The following OPA3 variants were observed in gnomAD, a reference collection of about 807,000 sequenced individuals.
OPA3 encodes the protein outer mitochondrial membrane lipid metabolism regulator OPA3.
OPA3 carries 6 observed loss-of-function variants against 4.0 expected under a neutral mutation model. The ratio of observed to expected loss-of-function variants is 1.51; its 90% confidence interval spans 0.83 to 2.99. OPA3 has a LOEUF of 2.99. Among genes scored for constraint, OPA3 ranks in the 30% most tolerant of loss-of-function variants. The pLI, the probability that OPA3 is intolerant of heterozygous loss-of-function variation, is 0.00. For synonymous variants in OPA3, 105 were observed against 117.1 expected (o/e 0.90, Z 0.67); for missense variants, 235 against 256.2 (o/e 0.92, Z 0.56).
chr19:45,573,693 A>G (rs2122498903), intron 1 of OPA3, among the ~76,000 whole-genome samples: 1 of 152,184 alleles, frequency 6.6e-6, no homozygotes, highest in East Asian at 1.9e-4. Context: ...AACAGTAAAC[A>G]CTGTTTACTG....
rs1046483724 is a variant in OPA3 at position 45,550,051 on chromosome 19, C to T, written c.*3463G>A. ...TGGGCACATGTAATCCCAGCTACTT[C>T]GGAAGCTGAGGCAGGATCATTGGTT... is the stretch of plus-strand genomic sequence containing the variant. On this transcript the variant is annotated 3_prime_UTR_variant, in exon 2 of 2. Transcript: ENST00000263275. 8 of 481,136 alleles carry T rather than the reference C, an allele frequency of 1.7e-5. No homozygotes were observed. The highest frequency in any genetic ancestry group is 1.9e-5 in the Non-Finnish European group (7 of 369,408). 29.8% of individuals were successfully genotyped at this position (481,136 alleles called of 1,614,324 possible).
At chr19:45,545,971 C>T (rs1274925795), downstream of OPA3, among the ~76,000 whole-genome samples, 1 of 151,958 alleles carries the variant, frequency 6.6e-6, no homozygotes, top group East Asian at 1.9e-4. Flanking sequence ...ACCTCGGCCT[C>T]CCTAAATGCT....
intron 1 of OPA3, among the ~76,000 whole-genome samples, chr19:45,561,123 C>T (rs894804077): frequency 2.6e-5 from 4 of 151,990 alleles, no homozygotes; most frequent in African/African-American, 9.7e-5. Context: ...CACCTGAGGT[C>T]GGGAGTTCAA....
At chr19:45,564,379 AT>A (rs1278043283) in intron 1 of OPA3, among the ~76,000 whole-genome samples, 1 of 152,156 alleles carries the variant, frequency 6.6e-6, no homozygotes, top group African/African-American at 2.4e-5. Flanking sequence ...AGGACCACAC[AT>A]GCAAAGTGAC....
chr19:45,543,582 A>G (rs1316902826), downstream of OPA3, among the ~76,000 whole-genome samples: 2 of 151,968 alleles, frequency 1.3e-5, no homozygotes, highest in Non-Finnish European at 2.9e-5. Context: ...CTCCCAAAGT[A>G]CTGGGATTAC....
chr19:45,550,065 G>T lies in OPA3; in HGVS notation c.*3449C>A. The T allele has an allele frequency of 2.0e-6, 1 of 502,852 alleles. No individual in the cohort carries two copies. Among genetic ancestry groups the T allele is most frequent in the Non-Finnish European group, 2.6e-6 (1 of 389,052 alleles). The allele number at this position is 502,852 out of a possible 1,614,324, so 31.1% of individuals were successfully genotyped here. On this transcript the variant is annotated 3_prime_UTR_variant, in exon 2 of 2. Coordinates refer to ENST00000263275, the MANE Select transcript of OPA3 (RefSeq NM_025136.4). ...CCCAGCTACTTCGGAAGCTGAGGCAGGATCATTGGTTGAGCCTGGGAGGTA... is the reference window on the plus strand; with the variant it reads ...CCCAGCTACTTCGGAAGCTGAGGCATGATCATTGGTTGAGCCTGGGAGGTA...
At chr19:45,576,287 T>C (rs1254407178) in intron 1 of OPA3, among the ~76,000 whole-genome samples, 46 of 145,622 alleles carry the variant, frequency 3.2e-4, no homozygotes, top group Middle Eastern at 3.9e-3. Context: ...TCCCAGCACT[T>C]TGGGAGGCCA....
chr19:45,533,219 G>A (rs981485192), intron 1 of OPA3, among the ~76,000 whole-genome samples: 7 of 148,680 alleles, frequency 4.7e-5, no homozygotes, highest in Non-Finnish European at 7.4e-5. Context: ...TTTTTAAGGC[G>A]GAGTCTCACT....
intron 1 of OPA3, among the ~76,000 whole-genome samples, chr19:45,570,614 G>T (rs1465174369): frequency 6.6e-6 from 1 of 152,170 alleles, no homozygotes; most frequent in African/African-American, 2.4e-5. Flanking sequence ...TTGAACCTGG[G>T]AGGTGGAGGC....
intron 1 of OPA3, among the ~76,000 whole-genome samples, chr19:45,580,375 C>T (rs1296832166): frequency 1.0e-4 from 15 of 149,356 alleles, no homozygotes; most frequent in Non-Finnish European, 1.8e-4. Context: ...CTCACTGCAA[C>T]CTCCACCTCC....
At chr19:45,540,323 A>T (rs1969169980) in intron 1 of OPA3, among the ~76,000 whole-genome samples, 1 of 110,416 alleles carries the variant, frequency 9.1e-6, no homozygotes. Flanking sequence ...TCTCAAAAAA[A>T]ATAAAAAATA....
In OPA3 at chr19:45,552,058, G is replaced by C. The variant is rs1031211676; in HGVS notation, c.*1456C>G. On this transcript the variant is annotated 3_prime_UTR_variant, in exon 2 of 2. Transcript: ENST00000263275. ...GGATCAAATTTCCCACCACGGAAAGGGGGGTTGGAGGACATTCACAGAAAA... is the reference window on the plus strand; with the variant it reads ...GGATCAAATTTCCCACCACGGAAAGCGGGGTTGGAGGACATTCACAGAAAA... The C allele has an allele frequency of 9.1e-6, 9 of 985,344 alleles. No individual in the cohort carries two copies. Among genetic ancestry groups the C allele is most frequent in the African/African-American group, 5.2e-5 (3 of 57,214 alleles). 61.0% of individuals were successfully genotyped at this position (985,344 alleles called of 1,614,324 possible).
downstream of OPA3, among the ~76,000 whole-genome samples, chr19:45,545,272 G>C (rs1969236487): frequency 6.6e-6 from 1 of 151,860 alleles, no homozygotes. Context: ...GCTCACACCT[G>C]TAATCCTAGC....
At chr19:45,555,447 C>T (rs1969406573) in intron 1 of OPA3, among the ~76,000 whole-genome samples, 1 of 151,576 alleles carries the variant, frequency 6.6e-6, no homozygotes, top group Non-Finnish European at 1.5e-5. Context: ...ATGATCCTCC[C>T]ACCTCAGTCC....
At chr19:45,562,535 AAAG>A (rs1351634967) in intron 1 of OPA3, among the ~76,000 whole-genome samples, 1 of 80,254 alleles carries the variant, frequency 1.2e-5, no homozygotes, top group Admixed American at 1.5e-4. Flanking sequence ...CTAAAAAAAA[AAAG>A]ATTAGCTGGG....
At chr19:45,540,389 C>T (rs1208450474) in intron 1 of OPA3, among the ~76,000 whole-genome samples, 1 of 150,782 alleles carries the variant, frequency 6.6e-6, no homozygotes, top group East Asian at 1.9e-4. Flanking sequence ...TAGATTATGC[C>T]TTGCTGTTTA....
At chr19:45,537,410 A>AAAAAAAAAAAAAAAAAAAAAG in intron 1 of OPA3, among the ~76,000 whole-genome samples, 1 of 120,116 alleles carries the variant, frequency 8.3e-6, no homozygotes, top group Non-Finnish European at 1.7e-5. Context: ...AAAAAAAAAA[A>AAAAAAAAAAAAAAAAAAAAAG]AAAAAAAAAA....
chr19:45,536,704 G>T (rs1969122524), intron 1 of OPA3, among the ~76,000 whole-genome samples: 1 of 152,176 alleles, frequency 6.6e-6, no homozygotes, highest in Admixed American at 6.6e-5. Context: ...CAGGCCAGTG[G>T]TAAAGCGTAG....
chr19:45,557,896 G>T (rs532097782), intron 1 of OPA3, among the ~76,000 whole-genome samples: 1 of 152,290 alleles, frequency 6.6e-6, no homozygotes, highest in African/African-American at 2.4e-5. Context: ...CCAGTGCCAG[G>T]CCAGGCACAC....
Sources: allele counts gnomAD v4.1 joint callset (sites outside exome capture counted in the v4.1 genomes callset), GRCh38; gene constraint gnomAD v4.1.1; transcripts MANE v1.5; gene names NCBI Gene and HGNC (gene_info 2026-07-23, HGNC 2026-07-21).